Variants in SRC observed in about 807,000 individuals in gnomAD.
SRC encodes the protein proto-oncogene tyrosine-protein kinase Src.
SRC carries 13 observed loss-of-function variants against 62.9 expected under a neutral mutation model. That is an observed-to-expected ratio of 0.21 (90% confidence interval 0.13 to 0.33). SRC has a LOEUF of 0.33. Among genes scored for constraint, SRC ranks in the 10% least tolerant of loss-of-function variants. The pLI is 1.00. For synonymous variants in SRC, 302 were observed against 317.5 expected (o/e 0.95, Z 0.52); for missense variants, 457 against 737.3 (o/e 0.62, Z 4.40).
chr20:37,354,679 C>T (rs182190729), intron 1 of SRC, among the ~76,000 whole-genome samples: 1 of 152,154 alleles, frequency 6.6e-6, no homozygotes, highest in African/African-American at 2.4e-5. Flanking sequence ...CTGAGTTGTG[C>T]CAAGTCCTCA....
chr20:37,392,333 C>T (rs964500020), intron 5 of SRC, among the ~76,000 whole-genome samples: 2 of 152,222 alleles, frequency 1.3e-5, no homozygotes, highest in African/African-American at 4.8e-5. Context: ...GAGAGCTCCC[C>T]AAGCCCTGCT....
In SRC at chr20:37,403,548, A is replaced by G. The variant is rs2070776714; in HGVS notation, c.*169A>G. The G allele has an allele frequency of 3.8e-6, 3 of 798,758 alleles. No individual in the cohort carries two copies. In the South Asian group the frequency reaches 5.5e-5, roughly 15 times the overall value. 49.5% of individuals were successfully genotyped at this position (798,758 alleles called of 1,614,324 possible). A position where few individuals can be genotyped will look rare whatever the true frequency, so the allele number is the denominator to read the frequency against. On this transcript the variant is annotated 3_prime_UTR_variant, in exon 14 of 14. Transcript: ENST00000373578. This position sits in a 1 kb window ranked among gnomAD's most constrained non-coding sequence, Gnocchi z 7.1. ...TGGCATGGAAGGGGCTTCTGGACCT[A>G]GGGTGGCCTGAGAGGGCGGTGGGTA...
In SRC at chr20:37,403,632, C is replaced by T. The variant is rs971350859; in HGVS notation, c.*253C>T. On this transcript the variant is annotated 3_prime_UTR_variant, in exon 14 of 14. Transcript: ENST00000373578. The surrounding 1 kb of genome is among the most constrained non-coding windows in gnomAD (Gnocchi z 7.1). ...CGCTGTGGCCGCACGCCTCTCCCTG[C>T]ACTCCCTCCTGGAGCTCTGTGGGTC... The T allele has an allele frequency of 9.2e-6, 5 of 545,502 alleles. No homozygotes were observed. The highest frequency in any genetic ancestry group is 1.7e-5 in the Non-Finnish European group (5 of 302,702). 33.8% of individuals were successfully genotyped at this position (545,502 alleles called of 1,614,324 possible). A position where few individuals can be genotyped will look rare whatever the true frequency, so the allele number is the denominator to read the frequency against.
intron 1 of SRC, among the ~76,000 whole-genome samples, chr20:37,352,769 T>A (rs73903484): frequency 6.6e-6 from 1 of 152,058 alleles, no homozygotes; most frequent in Non-Finnish European, 1.5e-5. Context: ...TCATCTCCCA[T>A]ATTTTCGAGC....
At chr20:37,345,823 G>A (rs1314284020), upstream of SRC, among the ~76,000 whole-genome samples, 1 of 152,152 alleles carries the variant, frequency 6.6e-6, no homozygotes, top group Non-Finnish European at 1.5e-5. Flanking sequence ...GGGTGGGTTG[G>A]GGAGGGCATT....
chr20:37,347,415 T>C (rs780140902), intron 1 of SRC, among the ~76,000 whole-genome samples: 7 of 152,182 alleles, frequency 4.6e-5, no homozygotes, highest in Non-Finnish European at 7.3e-5. Flanking sequence ...TAAGTCCCTA[T>C]ACGTGAAATG....
intron 5 of SRC, among the ~76,000 whole-genome samples, chr20:37,390,841 G>A (rs533841818): frequency 1.4e-4 from 21 of 152,336 alleles, no homozygotes; most frequent in Admixed American, 5.9e-4. Flanking sequence ...CTAGGGCAGT[G>A]CAGCACTGGA....
intron 2 of SRC, among the ~76,000 whole-genome samples, chr20:37,373,283 CAT>C (rs199963151): frequency 0.014 from 2,061 of 144,382 alleles, 23 homozygotes; most frequent in South Asian, 0.044. Flanking sequence ...CACACACACA[CAT>C]ATTACATATG....
intron 5 of SRC, chr20:37,386,506 T>A: frequency 2.2e-6 from 1 of 450,732 alleles, no homozygotes; most frequent in East Asian, 6.7e-5. Flanking sequence ...GGCGGCGGGC[T>A]GGGCGGGGTG....
intron 2 of SRC, among the ~76,000 whole-genome samples, chr20:37,368,210 G>A (rs1223982212): frequency 1.3e-5 from 2 of 152,062 alleles, no homozygotes; most frequent in Admixed American, 1.3e-4. Flanking sequence ...CTGAGGTCAG[G>A]AGTTAGAGAC....
rs2147124080 is a variant in SRC, at chr20:37,402,336, G to T, written c.1117-99G>T. 2 of 1,448,624 alleles carry T rather than the reference G, an allele frequency of 1.4e-6. No homozygotes were observed. Among genetic ancestry groups the T allele is most frequent in the Admixed American group, 4.3e-5 (2 of 46,172 alleles). 89.7% of individuals were successfully genotyped at this position (1,448,624 alleles called of 1,614,324 possible). The stretch of plus-strand genomic sequence containing the variant: ...ACTTGCCTGAAGAAGTGTGGGGAGG[G>T]TGGGGAAGGGGTGGTTGGCTCTCCA... On this transcript the variant is annotated intron_variant, in intron 11 of 13. Coordinates refer to ENST00000373578, the MANE Select transcript of SRC (RefSeq NM_198291.3). The surrounding 1 kb of genome is among the most constrained non-coding windows in gnomAD (Gnocchi z 6.2).
chr20:37,355,071 G>A (rs988606319), intron 1 of SRC, among the ~76,000 whole-genome samples: 3 of 152,160 alleles, frequency 2.0e-5, no homozygotes, highest in Admixed American at 1.3e-4. Context: ...CTGTAGCCAG[G>A]TGGGTGAAGT....
chr20:37,392,491 T>A (rs2070567253), intron 5 of SRC, among the ~76,000 whole-genome samples: 1 of 152,186 alleles, frequency 6.6e-6, no homozygotes, highest in Non-Finnish European at 1.5e-5. Context: ...GCCCTGGCGG[T>A]GGGTGGGGGC....
At chr20:37,383,739 CTTTTTTTTT>C (rs888134456) in intron 3 of SRC, 1 of 160,562 alleles carries the variant, frequency 6.2e-6, no homozygotes, top group African/African-American at 2.5e-5. Flanking sequence ...TCTTTTCTTT[CTTTTTTTTT>C]TGAGACAGAG....
chr20:37,368,518 C>CTTTTTTTTTTTTTTTTTTTTT lies in SRC; in HGVS notation c.-173+3246_-173+3266dup, dbSNP rs1352624429. ...GTCATAACATTTATGCCTATATTTT[C>CTTTTTTTTTTTTTTTTTTTTT]TTTTTTTTTTTTTTTTTTTTTTTTT... On this transcript the variant is annotated intron_variant, in intron 2 of 13. Coordinates refer to ENST00000373578, the MANE Select transcript of SRC (RefSeq NM_198291.3). Among the ~76,000 whole-genome samples the CTTTTTTTTTTTTTTTTTTTTT allele has an allele frequency of 1.1e-3, 79 of 73,916 alleles. 9 individuals carry two copies. Among genetic ancestry groups the CTTTTTTTTTTTTTTTTTTTTT allele is most frequent in the Non-Finnish European group, 1.4e-3 (52 of 36,928 alleles). The allele number at this position is 73,916 out of a possible 152,430, so 48.5% of individuals were successfully genotyped here.
chr20:37,401,151 C>G (rs1013587514), intron 10 of SRC, among the ~76,000 whole-genome samples: 4 of 152,056 alleles, frequency 2.6e-5, no homozygotes. Flanking sequence ...TGCACAACAT[C>G]CTGCCCAGCT....
In SRC at chr20:37,386,112, G is replaced by A; in HGVS notation, c.288G>A (p.Glu96=). 6.2e-7 allele frequency: 1 copy of A among 1,614,228 alleles called. No individual in the cohort carries two copies. Among genetic ancestry groups the A allele is most frequent in the Non-Finnish European group, 8.5e-7 (1 of 1,180,026 alleles). Residue 96 remains glutamate, a synonymous_variant, in exon 5 of 14, where the codon GAG becomes GAA. Transcript: ENST00000373578. ...VTTFVALYDY[E]SRTETDLSFK... is the part of the protein sequence containing the mutation. ...CCTTTGTGGCCCTCTATGACTATGA[G>A]TCTAGGACGGAGACAGACCTGTCCT...
At chr20:37,368,052 G>A (rs2070092598) in intron 2 of SRC, among the ~76,000 whole-genome samples, 1 of 152,178 alleles carries the variant, frequency 6.6e-6, no homozygotes, top group South Asian at 2.1e-4. Context: ...TTGGAAAACA[G>A]AAGTTTTTAA....
Position 37,400,813 on chromosome 20 carries a change from A to G in SRC, c.1039+519A>G, listed in dbSNP as rs565833174. On this transcript the variant is annotated intron_variant, in intron 10 of 13. Transcript: ENST00000373578. ...TTACTGTGTACCCCTAACCATAATG[A>G]AGATATATAACATCTCCATCACCCA... Among the ~76,000 whole-genome samples the G allele has an allele frequency of 1.2e-4, 18 of 152,284 alleles. No homozygotes were observed. In the East Asian group the frequency reaches 3.5e-3, roughly 29 times the overall value.
Sources: gnomAD v4.1 joint callset for allele counts (sites outside exome capture counted in the v4.1 genomes callset) on GRCh38, gnomAD v4.1.1 for gene constraint, Gnocchi (gnomAD v3.1) non-coding constraint, MANE v1.5 for transcripts, NCBI Gene and HGNC (gene_info 2026-07-23, HGNC 2026-07-21) for gene names.